MYOM2: variants seen among roughly 807,000 people sequenced by gnomAD.
MYOM2 encodes the protein myomesin-2.
MYOM2 carries 254 observed loss-of-function variants against 187.6 expected under a neutral mutation model. The ratio of observed to expected loss-of-function variants is 1.35; its 90% confidence interval spans 1.22 to 1.50. MYOM2 has a LOEUF of 1.50. Among genes scored for constraint, MYOM2 ranks in the 40% most tolerant of loss-of-function variants. MYOM2 has a pLI of 0.00. For synonymous variants in MYOM2, 981 were observed against 753.8 expected (o/e 1.30, Z -4.94); for missense variants, 2,796 against 1,924.0 (o/e 1.45, Z -8.48).
intron 10 of MYOM2, among the ~76,000 whole-genome samples, chr8:2,074,467 G>C (rs954996388): frequency 1.3e-5 from 2 of 151,708 alleles, no homozygotes. Flanking sequence ...TTTTAGTTTT[G>C]TTTTTGAGAT....
intron 18 of MYOM2, chr8:2,097,174 C>G (rs149831434): frequency 1.1e-6 from 1 of 880,498 alleles, no homozygotes; most frequent in African/African-American, 1.8e-5. Context: ...TAATCTTTGT[C>G]TACTAGAAAA....
At chr8:2,058,599 G>C (rs866897634) in intron 5 of MYOM2, among the ~76,000 whole-genome samples, 1 of 152,212 alleles carries the variant, frequency 6.6e-6, no homozygotes, top group Non-Finnish European at 1.5e-5. Context: ...GCATTTATAT[G>C]TGGGGTTGGG....
intron 31 of MYOM2, among the ~76,000 whole-genome samples, chr8:2,128,305 T>C (rs181761528): frequency 6.6e-6 from 1 of 152,144 alleles, no homozygotes; most frequent in Non-Finnish European, 1.5e-5. Flanking sequence ...TTCAAGTTGC[T>C]TCCCAAAATG....
At position 2,094,029 on chromosome 8, in the gene MYOM2, A is replaced by G. The variant is rs374452357; in HGVS notation, c.2063A>G (p.Asn688Ser). ...TACATCTTCCGAGTCAAGGCGGTCA[A>G]TGCTGTGGGGATGAGTGAAAATTCC... Reference protein sequence around the residue: ...EQYIFRVKAVNAVGMSENSQE... With the variant: ...EQYIFRVKAVSAVGMSENSQE... The change falls in exon 17 of 37, where the codon AAT becomes AGT. Residue 688 changes from asparagine to serine, a missense_variant. Physicochemically the swap from Asn to Ser is conservative, Grantham distance 46. Transcript: ENST00000262113. 5.3e-5 allele frequency: 85 copies of G among 1,614,168 alleles called. No individual in the cohort carries two copies. The highest frequency in any genetic ancestry group is 3.7e-4 in the African/African-American group (28 of 75,020).
chr8:2,115,453 T>G (rs1797208607), intron 25 of MYOM2, among the ~76,000 whole-genome samples: 1 of 152,204 alleles, frequency 6.6e-6, no homozygotes, highest in Non-Finnish European at 1.5e-5. Context: ...CAACACCTGT[T>G]GGAGGTCCAT....
At chr8:2,059,355 C>T in intron 6 of MYOM2, 110 bp downstream of exon 6, 3 of 856,196 alleles carry the variant, frequency 3.5e-6, no homozygotes, top group South Asian at 1.6e-5. Flanking sequence ...TGTCTGTTTG[C>T]ACCCCGGGTG....
At chr8:2,134,297 C>T (rs1797981791) in intron 32 of MYOM2, among the ~76,000 whole-genome samples, 1 of 152,120 alleles carries the variant, frequency 6.6e-6, no homozygotes, top group African/African-American at 2.4e-5. Flanking sequence ...TTCTGTCAGT[C>T]ACTCGGAAGC....
chr8:2,080,820 G>A (rs1331785107), intron 13 of MYOM2, among the ~76,000 whole-genome samples: 1 of 143,938 alleles, frequency 6.9e-6, no homozygotes, highest in Non-Finnish European at 1.5e-5. Flanking sequence ...TCTGGCCTCC[G>A]GGAGGAACAG....
At chr8:2,094,253 C>T (rs1052954232) in intron 17 of MYOM2, among the ~76,000 whole-genome samples, 162 bp downstream of exon 17, 3 of 152,162 alleles carry the variant, frequency 2.0e-5, no homozygotes, top group Non-Finnish European at 2.9e-5. Flanking sequence ...CGGTTGGCTG[C>T]TTGTCTTGGA....
intron 3 of MYOM2, among the ~76,000 whole-genome samples, chr8:2,054,168 G>A (rs1818581947): frequency 6.6e-6 from 1 of 152,200 alleles, no homozygotes; most frequent in African/African-American, 2.4e-5. Flanking sequence ...AGTTTAGCGT[G>A]CTGGACAAGT....
At chr8:2,096,686 G>A (rs1796500210) in intron 18 of MYOM2, among the ~76,000 whole-genome samples, 1 of 152,200 alleles carries the variant, frequency 6.6e-6, no homozygotes, top group Non-Finnish European at 1.5e-5. Context: ...GACCTCTGGT[G>A]TGACCAGCAT....
intron 14 of MYOM2, among the ~76,000 whole-genome samples, chr8:2,088,905 C>T (rs886253424): frequency 1.3e-5 from 2 of 152,226 alleles, no homozygotes; most frequent in African/African-American, 4.8e-5. Flanking sequence ...CCTTTGTGGA[C>T]CCATATTCTG....
intron 3 of MYOM2, among the ~76,000 whole-genome samples, chr8:2,052,979 C>T (rs539793845): frequency 1.7e-4 from 26 of 152,232 alleles, no homozygotes; most frequent in East Asian, 7.7e-4. Flanking sequence ...TTCCAGATGA[C>T]GGAGAAACAG....
Position 2,145,013 on chromosome 8 carries a change from A to G in MYOM2, c.*32A>G. ...TTTCCTAGCCTGGAGATGGGAAAAT[A>G]TGCTTGGCAGAGACAGGAATGCTGT... On this transcript the variant is annotated 3_prime_UTR_variant, in exon 37 of 37. Transcript: ENST00000262113. The G allele has an allele frequency of 6.2e-7, 1 of 1,608,520 alleles. No homozygotes were observed. The highest frequency in any genetic ancestry group is 8.5e-7 in the Non-Finnish European group (1 of 1,177,900).
Position 2,109,531 on chromosome 8 carries a change from G to C in MYOM2, c.3180G>C (p.Glu1060Asp), listed in dbSNP as rs766747529. Residue 1060 changes from glutamate to aspartate, a missense_variant and splice_region_variant, in exon 25 of 37, where the codon GAG becomes GAC. Physicochemically the swap from Glu to Asp is conservative, Grantham distance 45 (BLOSUM62 2). Transcript: ENST00000262113. ...IINDREVSDS[E>D]IHRIKCDKAT... ...ACGACAGAGAAGTCTCTGACAGCGA[G>C]GTGAGTTCCTGTGTGAGTGATCTCT... 2.5e-6 allele frequency: 4 copies of C among 1,609,676 alleles called. No homozygotes were observed. The South Asian group carries it at 4.4e-5, about 18-fold the overall frequency.
chr8:2,124,318 T>C (rs1486115299), intron 31 of MYOM2, 101 bp downstream of exon 31: 15 of 1,220,768 alleles, frequency 1.2e-5, no homozygotes, highest in Non-Finnish European at 1.7e-5. Flanking sequence ...CATGGAGCTG[T>C]GGTGCGTGTT....
chr8:2,114,062 A>C (rs1367251664), intron 25 of MYOM2, among the ~76,000 whole-genome samples: 1 of 152,132 alleles, frequency 6.6e-6, no homozygotes, highest in Non-Finnish European at 1.5e-5. Flanking sequence ...TAAAACACCA[A>C]GCCTCACCCG....
chr8:2,086,495 C>CCACACTGTCGTGATCTCTGCGTGGCCT (rs1796075585), intron 14 of MYOM2, among the ~76,000 whole-genome samples: 1 of 77,126 alleles, frequency 1.3e-5, no homozygotes, highest in Admixed American at 1.2e-4. Flanking sequence ...CTGTGTGGCC[C>CCACACTGTCGTGATCTCTGCGTGGCCT]CCCACTGTCG....
At chr8:2,108,852 C>T in intron 24 of MYOM2, 22 bp downstream of exon 24, 2 of 1,612,862 alleles carry the variant, frequency 1.2e-6, no homozygotes, top group Non-Finnish European at 1.7e-6. Context: ...TCCAGCCCTT[C>T]CCCTCTGCTT....
Sources: gnomAD v4.1 joint callset for allele counts (sites outside exome capture counted in the v4.1 genomes callset) on GRCh38, gnomAD v4.1.1 for gene constraint, MANE v1.5 for transcripts, NCBI Gene and HGNC (gene_info 2026-07-23, HGNC 2026-07-21) for gene names.